The following PDE2A variants were observed in gnomAD, a reference collection of about 807,000 sequenced individuals.
PDE2A encodes the protein phosphodiesterase 2A.
Under a neutral mutation model 133.6 loss-of-function variants are expected in PDE2A, and 53 were observed. That is an observed-to-expected ratio of 0.40 (90% CI 0.32 to 0.50). The LOEUF (loss-of-function observed/expected upper bound fraction) is 0.50. PDE2A is among the 20% of genes least tolerant of loss of function. The probability of loss-of-function intolerance (pLI) is 0.73; values close to 1 mark genes in which losing one functional copy is unlikely to be tolerated. For missense variants in PDE2A, 796 were observed against 1,232.4 expected, an observed-to-expected ratio of 0.65 and a Z score of 5.30; for synonymous variants, 491 against 490.2, an observed-to-expected ratio of 1.00 and a Z score of -0.02.
chr11:72,592,155 C>T (rs1361892289), intron 6 of PDE2A, among the ~76,000 whole-genome samples: 1 of 152,172 alleles, frequency 6.6e-6, no homozygotes, highest in African/African-American at 2.4e-5. Flanking sequence ...TACTTGGGTG[C>T]TTGTCGAGGA....
At chr11:72,609,114 CA>C (rs1268052859) in intron 2 of PDE2A, among the ~76,000 whole-genome samples, 1 of 152,076 alleles carries the variant, frequency 6.6e-6, no homozygotes, top group South Asian at 2.1e-4. Context: ...AACAAGCAAA[CA>C]AAAAAACACC....
intron 1 of PDE2A, among the ~76,000 whole-genome samples, chr11:72,650,878 CACA>C (rs1854719375): frequency 5.1e-5 from 1 of 19,478 alleles, no homozygotes. Context: ...GTCCCCACTA[CACA>C]CACACACACA....
chr11:72,641,251 C>T (rs995470456), intron 2 of PDE2A, among the ~76,000 whole-genome samples: 1 of 152,220 alleles, frequency 6.6e-6, no homozygotes, highest in Admixed American at 6.5e-5. Flanking sequence ...ACCTCAGATC[C>T]CTGGGCATCG....
intron 2 of PDE2A, among the ~76,000 whole-genome samples, chr11:72,609,852 G>C (rs1857123622): frequency 8.3e-6 from 1 of 120,622 alleles, no homozygotes. Flanking sequence ...CATGATATGA[G>C]GTTGAGGGTC....
At chr11:72,660,998 C>T (rs1010182158) in intron 1 of PDE2A, among the ~76,000 whole-genome samples, 18 of 152,058 alleles carry the variant, frequency 1.2e-4, no homozygotes, top group Non-Finnish European at 2.4e-4. Flanking sequence ...GCTGTGTCCT[C>T]TCTGTGGGTT....
At chr11:72,613,513 C>T (rs932463722) in intron 2 of PDE2A, among the ~76,000 whole-genome samples, 2 of 151,914 alleles carry the variant, frequency 1.3e-5, no homozygotes, top group Non-Finnish European at 1.5e-5. Context: ...CTGCCTCCCC[C>T]GGCCGACGTC....
intron 1 of PDE2A, among the ~76,000 whole-genome samples, chr11:72,650,876 TACACACACACACACACACAC>T (rs58905066): frequency 5.6e-4 from 73 of 130,348 alleles, no homozygotes; most frequent in South Asian, 4.1e-3. Context: ...CAGTCCCCAC[TACACACACACACACACACAC>T]ACACACACAC....
chr11:72,597,499 C>T lies in PDE2A; in HGVS notation c.433+11G>A. On this transcript the variant is annotated intron_variant, in intron 5 of 30. Transcript: ENST00000334456. The surrounding 1 kb of genome is among the most constrained non-coding windows in gnomAD (Gnocchi z 4.6). ...CCCTGCCCCTGCCCCTGCCCAGCCC[C>T]TAGCCCTTACCTTGGGTATCAGGAG... 1.3e-6 allele frequency: 2 copies of T among 1,568,570 alleles called. No individual in the cohort carries two copies. The highest frequency in any genetic ancestry group is 1.8e-4 in the Middle Eastern group (1 of 5,570).
At chr11:72,669,413 T>C (rs1229060885) in intron 1 of PDE2A, among the ~76,000 whole-genome samples, 3 of 151,848 alleles carry the variant, frequency 2.0e-5, no homozygotes, top group Admixed American at 1.3e-4. Context: ...GTGAGAAGGG[T>C]GACTTCAGGG....
intron 2 of PDE2A, among the ~76,000 whole-genome samples, chr11:72,640,820 C>T (rs1189010796): frequency 6.6e-6 from 1 of 152,134 alleles, no homozygotes; most frequent in Non-Finnish European, 1.5e-5. Context: ...CATACAGCCA[C>T]ATACACACAA....
At chr11:72,591,033 G>T (rs1034340747) in intron 7 of PDE2A, 2 of 464,602 alleles carry the variant, frequency 4.3e-6, no homozygotes, top group Non-Finnish European at 3.8e-6. Context: ...AAAATTGTAA[G>T]TTGGCAACCG....
chr11:72,614,092 C>T (rs1389163304), intron 2 of PDE2A, among the ~76,000 whole-genome samples: 3 of 152,244 alleles, frequency 2.0e-5, no homozygotes, highest in African/African-American at 7.2e-5. Flanking sequence ...CTCCTCGCAG[C>T]CTTACAGCAC....
intron 2 of PDE2A, among the ~76,000 whole-genome samples, chr11:72,627,965 C>G (rs984177125): frequency 6.6e-6 from 1 of 152,268 alleles, no homozygotes; most frequent in African/African-American, 2.4e-5. Flanking sequence ...GCTGCTGGCA[C>G]AGGGGCTAGG....
At chr11:72,653,475 C>T (rs1290311864) in intron 1 of PDE2A, among the ~76,000 whole-genome samples, 1 of 152,062 alleles carries the variant, frequency 6.6e-6, no homozygotes, top group African/African-American at 2.4e-5. Context: ...GCTCCACTCC[C>T]GACTCCCAGG....
At chr11:72,642,009 G>A (rs1858972286) in intron 2 of PDE2A, among the ~76,000 whole-genome samples, 1 of 152,262 alleles carries the variant, frequency 6.6e-6, no homozygotes, top group East Asian at 1.9e-4. Context: ...TCCCACCGTG[G>A]ACTGGAAGCT....
intron 2 of PDE2A, among the ~76,000 whole-genome samples, chr11:72,619,472 T>A (rs1271967483): frequency 6.6e-6 from 1 of 152,196 alleles, no homozygotes; most frequent in Non-Finnish European, 1.5e-5. Context: ...TGTAGGTCTG[T>A]GTCTCTGTAG....
intron 2 of PDE2A, among the ~76,000 whole-genome samples, chr11:72,629,222 T>C (rs1191037502): frequency 6.6e-6 from 1 of 152,080 alleles, no homozygotes; most frequent in African/African-American, 2.4e-5. Flanking sequence ...ACGAGGCCGG[T>C]GGAGCTGGAC....
chr11:72,615,205 T>C, intron 2 of PDE2A: 1 of 392,084 alleles, frequency 2.6e-6, no homozygotes, highest in Non-Finnish European at 5.9e-6. Flanking sequence ...GCTCCTCCCT[T>C]CCAGCGCCCA....
chr11:72,667,447 C>T (rs890998078), intron 1 of PDE2A, among the ~76,000 whole-genome samples: 9 of 152,298 alleles, frequency 5.9e-5, no homozygotes, highest in Admixed American at 5.9e-4. Flanking sequence ...CCAACCTCTC[C>T]TCAGCCTTCA....
Sources: allele counts gnomAD v4.1 joint callset (sites outside exome capture counted in the v4.1 genomes callset), GRCh38; gene constraint gnomAD v4.1.1; non-coding constraint Gnocchi (gnomAD v3.1); transcripts MANE v1.5; gene names NCBI Gene and HGNC (gene_info 2026-07-23, HGNC 2026-07-21).